PKN3: variants seen among roughly 807,000 people sequenced by gnomAD.
PKN3 encodes protein kinase N3.
In PKN3, 91 loss-of-function variants were observed where a neutral mutation model predicts 113.1. That is an observed-to-expected ratio of 0.80 (90% confidence interval 0.68 to 0.96). The LOEUF is 0.96. PKN3 is among the 40% of genes least tolerant of loss of function. The pLI is 0.00. For synonymous variants in PKN3, 467 were observed against 499.0 expected (o/e 0.94, Z 0.85); for missense variants, 1,052 against 1,202.2 (o/e 0.88, Z 1.85).
In PKN3 at chr9:128,713,616, G is replaced by T. The variant is rs12932; in HGVS notation, c.1210G>T (p.Val404Leu). ...CTGTCACCAACTGTCCCTCAGCCTG[G>T]TACCGCAGGGACTGCTTTTTGCCCA... ...NACHQLSLSLVPQGLLFAQVT... is the reference protein window; with the variant it reads ...NACHQLSLSLLPQGLLFAQVT... Residue 404 changes from valine to leucine, a missense_variant, in exon 9 of 22, where the codon GTA (valine) becomes TTA (leucine). Val to Leu is a conservative substitution (Grantham distance 32). Coordinates refer to ENST00000291906, the MANE Select transcript of PKN3 (RefSeq NM_013355.5). 4.1e-4 allele frequency: 669 copies of T among 1,613,748 alleles called. 1 individual carries two copies. Among genetic ancestry groups the T allele is most frequent in the Non-Finnish European group, 5.4e-4 (637 of 1,179,998 alleles).
At chr9:128,703,923 C>T (rs745335320) in intron 1 of PKN3, 33 of 985,356 alleles carry the variant, frequency 3.3e-5, no homozygotes, top group Non-Finnish European at 4.0e-5. Context: ...CCCCGGTGGC[C>T]GGGCCCCCAG....
chr9:128,716,367 G>A (rs1862338420), intron 15 of PKN3, among the ~76,000 whole-genome samples: 1 of 150,642 alleles, frequency 6.6e-6, no homozygotes, highest in Admixed American at 6.6e-5. Flanking sequence ...GAAGGCCGAA[G>A]CAGGTGGATA....
rs1244600187 is a variant in PKN3, at chr9:128,704,931, G to A, written c.25-372G>A. On this transcript the variant is annotated intron_variant, in intron 1 of 21. Transcript: ENST00000291906. ...AAAACTGTCTCAAAAAAAAAAAAAA[G>A]AAAAAGAAAAAGAAAAAAGAAAATG... is the stretch of plus-strand genomic sequence containing the variant. Among the ~76,000 whole-genome samples the A allele has an allele frequency of 6.6e-5, 10 of 150,546 alleles. No individual in the cohort carries two copies. The South Asian group carries it at 1.5e-3, about 22-fold the overall frequency.
chr9:128,714,152 G>C, intron 10 of PKN3, 31 bp downstream of exon 10: 1 of 1,614,052 alleles, frequency 6.2e-7, no homozygotes, highest in Non-Finnish European at 8.5e-7. Flanking sequence ...ATGTGTGAGG[G>C]AGCAGGGCTG....
At chr9:128,709,447 C>T (rs1328966023) in intron 6 of PKN3, among the ~76,000 whole-genome samples, 1 of 144,342 alleles carries the variant, frequency 6.9e-6, no homozygotes, top group Non-Finnish European at 1.5e-5. Flanking sequence ...CAACAGAGAG[C>T]CCGTCTCAAA....
In PKN3 at chr9:128,719,731, A is replaced by G; in HGVS notation, c.2171A>G (p.Glu724Gly). 6.3e-7 allele frequency: 1 copy of G among 1,592,608 alleles called. No homozygotes were observed. Among genetic ancestry groups the G allele is most frequent in the Non-Finnish European group, 8.6e-7 (1 of 1,168,496 alleles). ...DRTSTFCGTP[E>G]FLAPEVLTQE... is the part of the protein sequence containing the mutation. ...ACTAGCACCTTCTGTGGCACCCCGGAGTTCCTGGCTCCCGAGGTGCTGACC... is the reference window on the plus strand; with the variant it reads ...ACTAGCACCTTCTGTGGCACCCCGGGGTTCCTGGCTCCCGAGGTGCTGACC... The change falls in exon 19 of 22, where the codon GAG becomes GGG. Residue 724 changes from glutamate to glycine, a missense_variant. By Grantham distance (98) the Glu-to-Gly change is moderately conservative. Transcript: ENST00000291906.
intron 6 of PKN3, among the ~76,000 whole-genome samples, chr9:128,708,987 A>G (rs969071600): frequency 1.3e-5 from 2 of 151,256 alleles, no homozygotes; most frequent in Admixed American, 1.3e-4. Context: ...CTCCATCTCT[A>G]CAAAAAATAC....
In PKN3 at chr9:128,720,084, G is replaced by A. The variant is rs1862485869; in HGVS notation, c.2376+67G>A. On this transcript the variant is annotated intron_variant, in intron 20 of 21. Coordinates refer to ENST00000291906, the MANE Select transcript of PKN3 (RefSeq NM_013355.5). This position sits in a 1 kb window ranked among gnomAD's most constrained non-coding sequence, Gnocchi z 5.5. ...AAGGCCCATGTGCCCTCTGCCGTGG[G>A]ACAGCAGACCCCCTGCCACCCATCC... The A allele has an allele frequency of 3.9e-6, 6 of 1,538,180 alleles. No homozygotes were observed. Among genetic ancestry groups the A allele is most frequent in the African/African-American group, 1.4e-5 (1 of 73,640 alleles).
At chr9:128,703,343 G>A (rs891179352) in intron 1 of PKN3, 14 of 984,252 alleles carry the variant, frequency 1.4e-5, no homozygotes, top group African/African-American at 1.7e-5. Context: ...TAGAATGTGC[G>A]CGCAGCGGGG....
rs1356994231 is a variant in PKN3 at position 128,715,856 on chromosome 9, A to G, written c.1808+396A>G. On this transcript the variant is annotated intron_variant, in intron 15 of 21. Transcript: ENST00000291906. This position sits in a 1 kb window ranked among gnomAD's most constrained non-coding sequence, Gnocchi z 4.1. ...TGGTGAAACCCCATCTATAAAAAATAGCCAGACATGGTGGCATGTGCCTTT... is the reference window on the plus strand; with the variant it reads ...TGGTGAAACCCCATCTATAAAAAATGGCCAGACATGGTGGCATGTGCCTTT... 3.3e-5 allele frequency among the ~76,000 whole-genome samples: 5 copies of G among 152,126 alleles called. No homozygotes were observed. In the East Asian group the frequency reaches 9.6e-4, roughly 29 times the overall value.
intron 16 of PKN3, among the ~76,000 whole-genome samples, 194 bp downstream of exon 16, chr9:128,717,117 C>CTTTTTTGTTTTTTTTT (rs1862363627): frequency 4.1e-5 from 1 of 24,364 alleles, no homozygotes. Flanking sequence ...CATTAGGTTT[C>CTTTTTTGTTTTTTTTT]TTTTTTTTTT....
At position 128,717,117 on chromosome 9, in the gene PKN3, CTTTTTTTTTT is replaced by C. The variant is rs34182369; in HGVS notation, c.1985+211_1985+220del. Among the ~76,000 whole-genome samples, 42 of 24,378 alleles carry C rather than the reference CTTTTTTTTTT, an allele frequency of 1.7e-3. 3 individuals are homozygous for C. Among genetic ancestry groups the C allele is most frequent in the Middle Eastern group, 0.029 (1 of 34 alleles). 16.0% of individuals were successfully genotyped at this position (24,378 alleles called of 152,430 possible). A position where few individuals can be genotyped will look rare whatever the true frequency, so the allele number is the denominator to read the frequency against. On this transcript the variant is annotated intron_variant, in intron 16 of 21. Transcript: ENST00000291906. ...GCTTATGAAGCTGTGCATTAGGTTT[CTTTTTTTTTT>C]TTTTTTTTTTTTTTTTGTGAGACAG...
At position 128,705,367 on chromosome 9, in the gene PKN3, A is replaced by ATT; in HGVS notation, c.89_90insTT (p.Glu30AspfsTer3). 6.3e-7 allele frequency: 1 copy of ATT among 1,594,662 alleles called. No homozygotes were observed. Among genetic ancestry groups the ATT allele is most frequent in the African/African-American group, 1.3e-5 (1 of 74,636 alleles). On this transcript the variant is annotated frameshift_variant, in exon 2 of 22. Coordinates refer to ENST00000291906, the MANE Select transcript of PKN3 (RefSeq NM_013355.5). LOFTEE classifies it high-confidence loss of function. Reference sequence around the variant, plus strand: ...GTGATCCGCCGGGCCATCCAGAAAGAGCTGAAGATCAAGGAGGGGGTGGAG... The same window carrying ATT: ...GTGATCCGCCGGGCCATCCAGAAAGATTGCTGAAGATCAAGGAGGGGGTGGAG...
chr9:128,709,839 T>TG (rs1194988555), intron 6 of PKN3: 1 of 147,682 alleles, frequency 6.8e-6, no homozygotes, highest in African/African-American at 2.5e-5. Flanking sequence ...GGTGGGAGAA[T>TG]GGCATGAACC....
intron 11 of PKN3, 56 bp from the exon 12 acceptor site, chr9:128,714,506 C>A: frequency 1.0e-6 from 1 of 980,056 alleles, no homozygotes; most frequent in Non-Finnish European, 1.7e-6. Context: ...GTGTGTCCAT[C>A]CTGCCAGCTC....
At chr9:128,714,713 AG>A (rs1862288818) in intron 12 of PKN3, 49 bp downstream of exon 12, 1 of 1,406,324 alleles carries the variant, frequency 7.1e-7, no homozygotes, top group Non-Finnish European at 1.0e-6. Context: ...TGGGGCTGGC[AG>A]GGCCACCCAG....
At position 128,710,536 on chromosome 9, in the gene PKN3, G is replaced by T. The variant is rs542465698; in HGVS notation, c.836-2516G>T. ...AGATGGAGTCTCGCACTGTCGCCCA[G>T]ACTGGAGTGCAGTGGTGCGATATCA... On this transcript the variant is annotated intron_variant, in intron 6 of 21. Transcript: ENST00000291906. 3.3e-5 allele frequency among the ~76,000 whole-genome samples: 5 copies of T among 152,136 alleles called. No homozygotes were observed. The East Asian group carries it at 9.7e-4, about 29-fold the overall frequency.
intron 18 of PKN3, among the ~76,000 whole-genome samples, chr9:128,718,848 T>C (rs1347081181): frequency 6.6e-6 from 1 of 150,658 alleles, no homozygotes; most frequent in Non-Finnish European, 1.5e-5. Flanking sequence ...GGAGAGCCTG[T>C]GGTCAGGGAT....
Position 128,706,836 on chromosome 9 carries a change from A to G in PKN3, c.523+12A>G. 6.2e-7 allele frequency: 1 copy of G among 1,612,078 alleles called. No individual in the cohort carries two copies. Among genetic ancestry groups the G allele is most frequent in the Non-Finnish European group, 8.5e-7 (1 of 1,178,614 alleles). On this transcript the variant is annotated intron_variant, in intron 4 of 21. Coordinates refer to ENST00000291906, the MANE Select transcript of PKN3 (RefSeq NM_013355.5). The stretch of plus-strand genomic sequence containing the variant: ...GTCCCCGGAGCCAGGTGAGGCCTTG[A>G]GACACAGGGAGGGCGGAGCAGGGAA...
Sources: gnomAD v4.1 joint callset for allele counts (sites outside exome capture counted in the v4.1 genomes callset) on GRCh38, gnomAD v4.1.1 for gene constraint, Gnocchi (gnomAD v3.1) non-coding constraint, MANE v1.5 for transcripts, NCBI Gene and HGNC (gene_info 2026-07-23, HGNC 2026-07-21) for gene names.